The following EFNA5 variants were observed in gnomAD, a reference collection of about 807,000 sequenced individuals.
EFNA5 encodes ephrin-A5.
In EFNA5, 5 loss-of-function variants were observed where a neutral mutation model predicts 22.9. The ratio of observed to expected loss-of-function variants is 0.22; its 90% CI spans 0.11 to 0.46. The LOEUF (loss-of-function observed/expected upper bound fraction) is 0.46, where lower values mean the gene tolerates loss of function less well. Ranked by LOEUF, EFNA5 falls within the 20% of genes least tolerant of loss-of-function variation. EFNA5 has a pLI of 0.99. For missense variants in EFNA5, 237 were observed against 293.3 expected, an observed-to-expected ratio of 0.81 and a Z score of 1.40; for synonymous variants, 113 against 112.2, an observed-to-expected ratio of 1.01 and a Z score of -0.04.
intron 1 of EFNA5, among the ~76,000 whole-genome samples, chr5:107,488,571 C>T (rs1039099226): frequency 6.6e-6 from 1 of 152,156 alleles, no homozygotes; most frequent in Admixed American, 6.5e-5. Flanking sequence ...TTACAAATCC[C>T]AAGTTTAAAA....
intron 1 of EFNA5, among the ~76,000 whole-genome samples, chr5:107,516,099 G>A (rs1411670664): frequency 2.0e-5 from 3 of 151,702 alleles, no homozygotes; most frequent in South Asian, 4.1e-4. Context: ...CAAGTAACCG[G>A]GCTCAAGTGA....
chr5:107,520,579 A>T (rs1292333683), intron 1 of EFNA5, among the ~76,000 whole-genome samples: 2 of 152,158 alleles, frequency 1.3e-5, no homozygotes, highest in African/African-American at 4.8e-5. Flanking sequence ...TCTGGTAGGC[A>T]AGGGGGAGCT....
intron 1 of EFNA5, among the ~76,000 whole-genome samples, chr5:107,578,495 A>G (rs76712730): frequency 0.015 from 2,243 of 152,308 alleles, 49 homozygotes; most frequent in African/African-American, 0.052. Context: ...GAGGAAAAAA[A>G]GTGAGAAATT....
chr5:107,432,079 A>AG (rs1456523104), intron 1 of EFNA5, among the ~76,000 whole-genome samples: 1 of 152,230 alleles, frequency 6.6e-6, no homozygotes, highest in Non-Finnish European at 1.5e-5. Context: ...CTTCTAGCAG[A>AG]GCATTGCAAC....
At chr5:107,560,928 C>A (rs1748528664) in intron 1 of EFNA5, among the ~76,000 whole-genome samples, 1 of 152,196 alleles carries the variant, frequency 6.6e-6, no homozygotes, top group Non-Finnish European at 1.5e-5. Flanking sequence ...TGAGCGCCAC[C>A]TTTACATCAG....
At chr5:107,648,624 G>A (rs1034000113) in intron 1 of EFNA5, among the ~76,000 whole-genome samples, 6 of 152,040 alleles carry the variant, frequency 3.9e-5, no homozygotes, top group Admixed American at 2.0e-4. Context: ...GCACAGTTGC[G>A]ATCTCCCTGC....
At chr5:107,662,753 T>G (rs11739817) in intron 1 of EFNA5, among the ~76,000 whole-genome samples, 46 of 150,164 alleles carry the variant, frequency 3.1e-4, no homozygotes, top group Non-Finnish European at 6.1e-4. Flanking sequence ...TATCAGTACC[T>G]TTTGCGGGAG....
chr5:107,420,768 T>C (rs1748635850), intron 2 of EFNA5, among the ~76,000 whole-genome samples: 2 of 152,198 alleles, frequency 1.3e-5, no homozygotes, highest in South Asian at 2.1e-4. Context: ...TGGTTTATTA[T>C]GGCATTTATC....
intron 1 of EFNA5, among the ~76,000 whole-genome samples, chr5:107,602,267 G>A (rs1299565647): frequency 1.3e-5 from 2 of 152,142 alleles, no homozygotes; most frequent in South Asian, 2.1e-4. Context: ...TTCATAAAAT[G>A]TTTGTAATTC....
intron 1 of EFNA5, among the ~76,000 whole-genome samples, chr5:107,485,520 G>C (rs1171540318): frequency 6.6e-6 from 1 of 152,142 alleles, no homozygotes; most frequent in Non-Finnish European, 1.5e-5. Context: ...GTTTGTGATA[G>C]AATTGGTCCT....
chr5:107,617,204 G>GCACA (rs1479551977), intron 1 of EFNA5, among the ~76,000 whole-genome samples: 5 of 122,230 alleles, frequency 4.1e-5, no homozygotes, highest in African/African-American at 1.9e-4. Flanking sequence ...ACTTACATGT[G>GCACA]CACATACACA....
At chr5:107,535,689 A>G (rs912178307) in intron 1 of EFNA5, among the ~76,000 whole-genome samples, 6 of 152,208 alleles carry the variant, frequency 3.9e-5, no homozygotes, top group Admixed American at 6.5e-5. Context: ...AGAAAAGTCA[A>G]AGGCAAATAA....
chr5:107,465,999 A>G (rs146625965), intron 1 of EFNA5, among the ~76,000 whole-genome samples: 1,548 of 152,208 alleles, frequency 0.01, 21 homozygotes, highest in African/African-American at 0.035. Flanking sequence ...GCTCTCACTC[A>G]TAGGAGAAAG....
In EFNA5 at chr5:107,598,647, T is replaced by C. The variant is rs538737923; in HGVS notation, c.125+71842A>G. Among the ~76,000 whole-genome samples the C allele has an allele frequency of 2.0e-5, 3 of 152,250 alleles. No homozygotes were observed. The East Asian group carries it at 5.8e-4, about 29-fold the overall frequency. ...AAATACATACAGATAAACATACAGG[T>C]GGTCTTATAAAGGTCAGAATTCAGA... On this transcript the variant is annotated intron_variant, in intron 1 of 4. Coordinates refer to ENST00000333274, the MANE Select transcript of EFNA5 (RefSeq NM_001962.3).
At chr5:107,595,586 C>A (rs1749456891) in intron 1 of EFNA5, among the ~76,000 whole-genome samples, 1 of 152,174 alleles carries the variant, frequency 6.6e-6, no homozygotes, top group Middle Eastern at 3.2e-3. Context: ...TTACTATAAA[C>A]TCAACTTTAT....
intron 1 of EFNA5, among the ~76,000 whole-genome samples, chr5:107,428,480 T>G (rs563368396): frequency 1.3e-5 from 2 of 152,370 alleles, no homozygotes; most frequent in South Asian, 4.1e-4. Flanking sequence ...TTTGCTTATC[T>G]GTTTTAACTA....
At chr5:107,555,727 C>A (rs1057189910) in intron 1 of EFNA5, among the ~76,000 whole-genome samples, 1 of 152,204 alleles carries the variant, frequency 6.6e-6, no homozygotes, top group Admixed American at 6.5e-5. Context: ...TTCATTAAAT[C>A]TCAAGCCAAA....
intron 1 of EFNA5, among the ~76,000 whole-genome samples, chr5:107,658,321 T>C (rs901176296): frequency 2.0e-5 from 3 of 152,200 alleles, no homozygotes; most frequent in African/African-American, 4.8e-5. Context: ...TCTTTAGACA[T>C]TTATGACAGG....
Position 107,538,391 on chromosome 5 carries a change from G to A in EFNA5, c.126-110882C>T, listed in dbSNP as rs527708051. Among the ~76,000 whole-genome samples the A allele has an allele frequency of 7.2e-5, 11 of 152,328 alleles. No homozygotes were observed. The South Asian group carries it at 2.3e-3, about 32-fold the overall frequency. On this transcript the variant is annotated intron_variant, in intron 1 of 4. Coordinates refer to ENST00000333274, the MANE Select transcript of EFNA5 (RefSeq NM_001962.3). ...AGTACTATGCTTGCCATTCTGACAAGTACAAAGCACTGTTTATGCTCTTGA... is the reference window on the plus strand; with the variant it reads ...AGTACTATGCTTGCCATTCTGACAAATACAAAGCACTGTTTATGCTCTTGA...
Sources: allele counts gnomAD v4.1 joint callset (sites outside exome capture counted in the v4.1 genomes callset), GRCh38; gene constraint gnomAD v4.1.1; transcripts MANE v1.5; gene names NCBI Gene and HGNC (gene_info 2026-07-23, HGNC 2026-07-21).